ELAPOR2: variants seen among roughly 807,000 people sequenced by gnomAD.
ELAPOR2 encodes the protein endosome/lysosome-associated apoptosis and autophagy regulator family member 2.
In ELAPOR2, 89 loss-of-function variants were observed where a neutral mutation model predicts 120.7. The ratio of observed to expected loss-of-function variants is 0.74; its 90% CI spans 0.62 to 0.88. ELAPOR2 has a LOEUF of 0.88. Among genes scored for constraint, ELAPOR2 ranks in the 40% least tolerant of loss-of-function variants. The probability of loss-of-function intolerance (pLI) is 0.00; values close to 1 mark genes in which losing one functional copy is unlikely to be tolerated. For synonymous variants in ELAPOR2, 444 were observed against 444.9 expected, an observed-to-expected ratio of 1.00 and a Z score of 0.03; for missense variants, 1,134 against 1,251.6, an observed-to-expected ratio of 0.91 and a Z score of 1.42.
At chr7:86,937,296 T>C (rs963387450) in intron 8 of ELAPOR2, among the ~76,000 whole-genome samples, 1 of 152,130 alleles carries the variant, frequency 6.6e-6, no homozygotes, top group Non-Finnish European at 1.5e-5. Flanking sequence ...TATAACAATC[T>C]AGATTAGAAT....
In ELAPOR2 at chr7:86,907,719, T is replaced by C; in HGVS notation, c.2509A>G (p.Met837Val). ...CCAGATTTAGTAGGATTACACCTCA[T>C]TTTCACAGCAGTTGATCGGCCATTA... ...CINGRSTAVK[M>V]RCNPTKSGAG... The change falls in exon 18 of 22, where the codon ATG (methionine) becomes GTG (valine). Residue 837 changes from methionine to valine, a missense_variant. Around this residue, in one of 3 missense-constraint regions of ELAPOR2, gnomAD observed 831 missense variants for 867.6 expected, o/e 0.96. Transcript: ENST00000450689. The C allele has an allele frequency of 6.3e-7, 1 of 1,581,788 alleles. No homozygotes were observed. The highest frequency in any genetic ancestry group is 8.5e-7 in the Non-Finnish European group (1 of 1,169,962).
chr7:86,929,661 T>C (rs1790236516), intron 8 of ELAPOR2, among the ~76,000 whole-genome samples: 1 of 151,994 alleles, frequency 6.6e-6, no homozygotes, highest in South Asian at 2.1e-4. Context: ...TTGCTGCTTT[T>C]CTCTTTTCCC....
chr7:87,058,794 G>T (rs1039014811), intron 1 of ELAPOR2, among the ~76,000 whole-genome samples: 6 of 151,934 alleles, frequency 3.9e-5, no homozygotes, highest in Non-Finnish European at 8.8e-5. Flanking sequence ...TCAGAAGGAT[G>T]CTAAGTGACA....
chr7:86,984,979 G>C (rs1462406483), intron 1 of ELAPOR2, among the ~76,000 whole-genome samples: 1 of 151,528 alleles, frequency 6.6e-6, no homozygotes, highest in Non-Finnish European at 1.5e-5. Flanking sequence ...TCAAATAGAG[G>C]CAATAAAAAA....
At chr7:86,882,854 A>G (rs1470709013) in intron 21 of ELAPOR2, among the ~76,000 whole-genome samples, 1 of 152,152 alleles carries the variant, frequency 6.6e-6, no homozygotes, top group African/African-American at 2.4e-5. Context: ...CAAGGGTTCC[A>G]AACAGGATGA....
chr7:87,051,250 A>G (rs557978037), intron 1 of ELAPOR2, among the ~76,000 whole-genome samples: 2 of 143,046 alleles, frequency 1.4e-5, no homozygotes, highest in South Asian at 2.4e-4. Context: ...AGAGATTACA[A>G]TGGATTAAGA....
chr7:87,025,326 A>T (rs1028992144), intron 1 of ELAPOR2, among the ~76,000 whole-genome samples: 1 of 152,114 alleles, frequency 6.6e-6, no homozygotes, highest in African/African-American at 2.4e-5. Flanking sequence ...CCCTTCAGTC[A>T]AGAGTATCGA....
At chr7:87,059,193 C>T in intron 1 of ELAPOR2, 132 bp downstream of exon 1, 1 of 1,209,682 alleles carries the variant, frequency 8.3e-7, no homozygotes, top group Non-Finnish European at 1.0e-6. Context: ...CCCCTCGAAG[C>T]AAACGAAAGC....
At chr7:87,030,474 C>T (rs1484225457) in intron 1 of ELAPOR2, among the ~76,000 whole-genome samples, 2 of 152,112 alleles carry the variant, frequency 1.3e-5, no homozygotes, top group Non-Finnish European at 2.9e-5. Flanking sequence ...AAAAATACAA[C>T]TAAACCTAGC....
chr7:87,053,445 A>G (rs919303547), intron 1 of ELAPOR2, among the ~76,000 whole-genome samples: 1 of 152,180 alleles, frequency 6.6e-6, no homozygotes, highest in Non-Finnish European at 1.5e-5. Context: ...TTTAGAAAAT[A>G]GTGACCCCCT....
intron 1 of ELAPOR2, among the ~76,000 whole-genome samples, chr7:87,044,570 C>A (rs548093256): frequency 1.3e-5 from 2 of 150,020 alleles, no homozygotes; most frequent in Non-Finnish European, 3.0e-5. Context: ...AAAGCTGAAA[C>A]TGGATCCCTT....
chr7:87,008,586 G>C (rs1209670151), intron 1 of ELAPOR2, among the ~76,000 whole-genome samples: 1 of 152,186 alleles, frequency 6.6e-6, no homozygotes, highest in African/African-American at 2.4e-5. Flanking sequence ...TTAGAGACAA[G>C]GTTTCACCAT....
In ELAPOR2 at chr7:87,004,248, A is replaced by T. The variant is rs114451491; in HGVS notation, c.190-39224T>A. 8.4e-3 allele frequency among the ~76,000 whole-genome samples: 1,279 copies of T among 152,294 alleles called. 21 individuals are homozygous for T. Among genetic ancestry groups the T allele is most frequent in the African/African-American group, 0.03 (1,230 of 41,564 alleles). ...TGGATGGGTGGGGGACAACAAAGGG[A>T]GAATGTGCTTGTTTCCAAAATGAAG... On this transcript the variant is annotated intron_variant, in intron 1 of 21. Transcript: ENST00000450689.
chr7:86,973,129 C>G (rs143774220), intron 1 of ELAPOR2, among the ~76,000 whole-genome samples: 32 of 152,208 alleles, frequency 2.1e-4, no homozygotes, highest in Non-Finnish European at 4.0e-4. Flanking sequence ...CCCACACCTA[C>G]TACACTCCAC....
At chr7:87,039,898 G>C (rs1794710851) in intron 1 of ELAPOR2, among the ~76,000 whole-genome samples, 2 of 152,126 alleles carry the variant, frequency 1.3e-5, no homozygotes, top group Non-Finnish European at 2.9e-5. Flanking sequence ...AGAGGGCGCA[G>C]GTCAGTGGGT....
At chr7:87,011,380 T>C (rs1167231967) in intron 1 of ELAPOR2, among the ~76,000 whole-genome samples, 2 of 152,154 alleles carry the variant, frequency 1.3e-5, no homozygotes, top group Non-Finnish European at 2.9e-5. Flanking sequence ...ACTGAATCCA[T>C]GTCTGTATAC....
At chr7:86,915,018 C>A (rs565917411) in intron 12 of ELAPOR2, among the ~76,000 whole-genome samples, 158 bp from the exon 13 acceptor site, 10 of 152,252 alleles carry the variant, frequency 6.6e-5, no homozygotes, top group Middle Eastern at 3.4e-3. Context: ...TTAAAACTTG[C>A]CTTCAAGTCT....
chr7:86,887,738 TTCTGAC>T (rs1402047346), intron 21 of ELAPOR2, among the ~76,000 whole-genome samples: 1 of 152,072 alleles, frequency 6.6e-6, no homozygotes, highest in Non-Finnish European at 1.5e-5. Flanking sequence ...TCAAAAAGAT[TTCTGAC>T]TCTATCTCCC....
At chr7:86,945,789 A>G (rs1790974835) in intron 3 of ELAPOR2, among the ~76,000 whole-genome samples, 1 of 152,322 alleles carries the variant, frequency 6.6e-6, no homozygotes, top group African/African-American at 2.4e-5. Flanking sequence ...ATATGACCAC[A>G]GCAGAAAAAA....
Sources: allele counts gnomAD v4.1 joint callset (sites outside exome capture counted in the v4.1 genomes callset), GRCh38; gene constraint gnomAD v4.1.1; regional missense constraint gnomAD v4.1.1; transcripts MANE v1.5; gene names NCBI Gene and HGNC (gene_info 2026-07-23, HGNC 2026-07-21).